Variants in DCP2 observed in about 807,000 individuals in gnomAD.
The protein encoded by DCP2 is decapping mRNA 2, also known as m7GpppN-mRNA hydrolase.
A neutral mutation model predicts 56.1 loss-of-function variants in DCP2; 30 were observed. The ratio of observed to expected loss-of-function variants is 0.53; its 90% confidence interval spans 0.40 to 0.73. DCP2 has a LOEUF of 0.73. DCP2 is among the 30% of genes least tolerant of loss of function. The pLI, the probability that DCP2 is intolerant of heterozygous loss-of-function variation, is 0.00. For missense variants in DCP2, 533 were observed against 502.7 expected (o/e 1.06, Z -0.58); for synonymous variants, 197 against 163.3 (o/e 1.21, Z -1.57).
At chr5:113,001,901 CAA>C (rs1248194702) in intron 7 of DCP2, among the ~76,000 whole-genome samples, 2 of 151,976 alleles carry the variant, frequency 1.3e-5, no homozygotes, top group Non-Finnish European at 2.9e-5. Context: ...ATAGTATACT[CAA>C]GAGGATACCA....
intron 1 of DCP2, among the ~76,000 whole-genome samples, chr5:112,977,859 T>C (rs1747792094): frequency 6.6e-6 from 1 of 152,170 alleles, no homozygotes; most frequent in South Asian, 2.1e-4. Context: ...ACAGTTACTG[T>C]GTTTATGTTT....
chr5:112,988,609 A>G (rs576848811), intron 2 of DCP2, among the ~76,000 whole-genome samples: 24 of 152,236 alleles, frequency 1.6e-4, no homozygotes, highest in Admixed American at 1.4e-3. Context: ...TACAAAGAAA[A>G]CACTGATGGG....
chr5:112,993,356 C>G (rs1438443069), intron 4 of DCP2, among the ~76,000 whole-genome samples: 1 of 152,004 alleles, frequency 6.6e-6, no homozygotes, highest in African/African-American at 2.4e-5. Flanking sequence ...CTGTTATGGC[C>G]AGGCACGGTG....
chr5:112,992,719 A>C lies in DCP2; in HGVS notation c.381A>C (p.Pro127=). The C allele has an allele frequency of 6.3e-7, 1 of 1,592,212 alleles. No homozygotes were observed. The highest frequency in any genetic ancestry group is 2.3e-5 in the East Asian group (1 of 43,864). ...GYLAKSGWGF[P]KGKVNKEEAP... ...TAGCAAAATCAGGCTGGGGATTTCCAAAAGGAAAAGTAAATAAAGAAGAAG... is the reference window on the plus strand; with the variant it reads ...TAGCAAAATCAGGCTGGGGATTTCCCAAAGGAAAAGTAAATAAAGAAGAAG... Residue 127 remains proline (P), a synonymous_variant, in exon 4 of 11, where the codon CCA becomes CCC. Coordinates refer to ENST00000389063, the MANE Select transcript of DCP2 (RefSeq NM_152624.6).
At chr5:113,010,910 A>G (rs1016820053) in intron 10 of DCP2, 103 bp downstream of exon 10, 122 of 1,230,584 alleles carry the variant, frequency 9.9e-5, no homozygotes, top group Non-Finnish European at 1.3e-4. Flanking sequence ...ATAGTTAAGC[A>G]GGAAGAGTTG....
At chr5:113,005,322 C>T (rs1561701695) in intron 8 of DCP2, among the ~76,000 whole-genome samples, 1 of 152,110 alleles carries the variant, frequency 6.6e-6, no homozygotes, top group African/African-American at 2.4e-5. Context: ...TCAACAACAA[C>T]ACAACAATCT....
Position 113,014,225 on chromosome 5 carries a change from C to T in DCP2, c.*741C>T, listed in dbSNP as rs1345835488. 1.3e-5 allele frequency: 2 copies of T among 152,200 alleles called. No homozygotes were observed. Among genetic ancestry groups the T allele is most frequent in the African/African-American group, 2.4e-5 (1 of 41,438 alleles). 9.4% of individuals were successfully genotyped at this position (152,200 alleles called of 1,614,324 possible). On this transcript the variant is annotated 3_prime_UTR_variant, in exon 11 of 11. Coordinates refer to ENST00000389063, the MANE Select transcript of DCP2 (RefSeq NM_152624.6). ...GTAGCAGACAGCATGGAGGCTGGGA[C>T]CCAGCAGCTACTTTGGGTCATGTCT...
At chr5:112,998,634 A>C (rs779136560) in intron 4 of DCP2, among the ~76,000 whole-genome samples, 27 of 152,358 alleles carry the variant, frequency 1.8e-4, no homozygotes, top group Middle Eastern at 6.8e-3. Context: ...GTGACCCCAT[A>C]AAAATTACAT....
At position 113,004,020 on chromosome 5, in the gene DCP2, A is replaced by T. The variant is rs1580825368; in HGVS notation, c.885A>T (p.Pro295=). The T allele has an allele frequency of 6.2e-7, 1 of 1,614,104 alleles. No homozygotes were observed. Among genetic ancestry groups the T allele is most frequent in the East Asian group, 2.2e-5 (1 of 44,874 alleles). The part of the protein sequence containing the change: ...PGDQWVKHRQ[P]LQQKPYNNHS... ...ACCAGTGGGTAAAGCACAGGCAACC[A>T]CTGCAGCAAAAGCCATATAATAATC... is the stretch of plus-strand genomic sequence containing the variant. The change falls in exon 8 of 11, where the codon CCA becomes CCT. Residue 295 remains proline, a synonymous_variant. Coordinates refer to ENST00000389063, the MANE Select transcript of DCP2 (RefSeq NM_152624.6).
chr5:112,977,231 G>C (rs780334838), intron 1 of DCP2, among the ~76,000 whole-genome samples: 4 of 151,970 alleles, frequency 2.6e-5, no homozygotes, highest in Non-Finnish European at 5.9e-5. Flanking sequence ...CATTTTTTAA[G>C]TTACTCAACT....
chr5:112,983,350 G>A (rs545122048), intron 1 of DCP2, among the ~76,000 whole-genome samples: 5 of 152,252 alleles, frequency 3.3e-5, no homozygotes, highest in South Asian at 2.1e-4. Context: ...TCAACAGAGC[G>A]GGCTGAGGAG....
intron 4 of DCP2, among the ~76,000 whole-genome samples, chr5:112,993,693 C>A (rs897685902): frequency 6.6e-6 from 1 of 150,676 alleles, no homozygotes; most frequent in Non-Finnish European, 1.5e-5. Context: ...CCTGGAATGT[C>A]CTCTCTTGTT....
At chr5:113,010,074 C>T (rs1161019855) in intron 9 of DCP2, among the ~76,000 whole-genome samples, 2 of 150,544 alleles carry the variant, frequency 1.3e-5, no homozygotes, top group African/African-American at 4.9e-5. Flanking sequence ...GCTCTGTCAC[C>T]CAGGCTGAAA....
rs570557013 is a variant in DCP2 at position 113,016,097 on chromosome 5, T to C, written c.*2613T>C. ...TGTGAATCTTTTATTTTTAAAAAAA[T>C]TTGTAGGTGCTTTTATGTATAACTT... is the stretch of plus-strand genomic sequence containing the variant. On this transcript the variant is annotated 3_prime_UTR_variant, in exon 11 of 11. Coordinates refer to ENST00000389063, the MANE Select transcript of DCP2 (RefSeq NM_152624.6). 6.5e-6 allele frequency: 1 copy of C among 152,752 alleles called. No homozygotes were observed. Among genetic ancestry groups the C allele is most frequent in the South Asian group, 2.1e-4 (1 of 4,834 alleles). The allele number at this position is 152,752 out of a possible 1,614,324, so 9.5% of individuals were successfully genotyped here. A position where few individuals can be genotyped will look rare whatever the true frequency, so the allele number is the denominator to read the frequency against.
chr5:113,006,313 C>T (rs1749435577), intron 8 of DCP2, among the ~76,000 whole-genome samples: 1 of 152,002 alleles, frequency 6.6e-6, no homozygotes, highest in South Asian at 2.1e-4. Context: ...TAGGGAGTTA[C>T]TGTTTATTGG....
chr5:112,997,697 C>T (rs1396335475), intron 4 of DCP2, among the ~76,000 whole-genome samples: 1 of 151,836 alleles, frequency 6.6e-6, no homozygotes, highest in Non-Finnish European at 1.5e-5. Flanking sequence ...GCACCCCAAC[C>T]TCCGCCTCCC....
chr5:112,985,382 G>T (rs896814666), intron 1 of DCP2, among the ~76,000 whole-genome samples: 1 of 152,184 alleles, frequency 6.6e-6, no homozygotes, highest in South Asian at 2.1e-4. Flanking sequence ...TTTTTGGGAA[G>T]TCCTAGTATA....
chr5:112,987,377 T>A (rs1350010794), intron 2 of DCP2, among the ~76,000 whole-genome samples: 1 of 152,158 alleles, frequency 6.6e-6, no homozygotes, highest in Non-Finnish European at 1.5e-5. Context: ...CAGATATGGT[T>A]GGAAAGTCAT....
intron 1 of DCP2, among the ~76,000 whole-genome samples, chr5:112,980,953 A>G (rs942362696): frequency 6.6e-5 from 10 of 151,766 alleles, no homozygotes; most frequent in South Asian, 2.1e-4. Context: ...CACACCCACT[A>G]TTGCCCCCAT....
Sources: gnomAD v4.1 joint callset for allele counts (sites outside exome capture counted in the v4.1 genomes callset) on GRCh38, gnomAD v4.1.1 for gene constraint, MANE v1.5 for transcripts, NCBI Gene and HGNC (gene_info 2026-07-23, HGNC 2026-07-21) for gene names.